The following ZFHX3 variants were observed in gnomAD, a reference collection of about 807,000 sequenced individuals.
ZFHX3 encodes the protein zinc finger homeobox protein 3.
In ZFHX3, 42 loss-of-function variants were observed where a neutral mutation model predicts 279.1. That is an observed-to-expected ratio of 0.15 (90% CI 0.12 to 0.19). ZFHX3 has a LOEUF of 0.19. Ranked by LOEUF, ZFHX3 falls within the 10% of genes least tolerant of loss-of-function variation. ZFHX3 has a pLI of 1.00. For synonymous variants in ZFHX3, 2,293 were observed against 1,957.8 expected, an observed-to-expected ratio of 1.17 and a Z score of -4.52; for missense variants, 4,981 against 4,754.0, an observed-to-expected ratio of 1.05 and a Z score of -1.40.
At chr16:73,736,367 C>T (rs544263602) in intron 1 of ZFHX3, among the ~76,000 whole-genome samples, 76 of 152,290 alleles carry the variant, frequency 5.0e-4, no homozygotes, top group African/African-American at 1.6e-3. Context: ...GCAACAAATC[C>T]GTTATTCTAA....
intron 4 of ZFHX3, among the ~76,000 whole-genome samples, chr16:72,865,149 C>T (rs995845006): frequency 2.0e-5 from 3 of 152,238 alleles, no homozygotes; most frequent in South Asian, 2.1e-4. Flanking sequence ...GAGAGGCTTT[C>T]ACTTTCTTAA....
At chr16:73,312,088 G>A (rs2143168513) in intron 4 of ZFHX3, among the ~76,000 whole-genome samples, 1 of 152,302 alleles carries the variant, frequency 6.6e-6, no homozygotes, top group South Asian at 2.1e-4. Flanking sequence ...TGAAAACCTG[G>A]AGTAGGTCCA....
At chr16:73,335,151 G>C (rs1051484962) in intron 3 of ZFHX3, among the ~76,000 whole-genome samples, 1 of 152,046 alleles carries the variant, frequency 6.6e-6, no homozygotes, top group African/African-American at 2.4e-5. Flanking sequence ...ATACATTTTA[G>C]TACGAAAAGG....
chr16:73,015,829 G>T (rs575162066), intron 1 of ZFHX3: 3 of 152,166 alleles, frequency 2.0e-5, no homozygotes, highest in African/African-American at 7.2e-5. Context: ...TGAGAGGTGT[G>T]AGCCAGGCAG....
At chr16:73,317,994 G>T (rs1432249352) in intron 4 of ZFHX3, among the ~76,000 whole-genome samples, 1 of 152,158 alleles carries the variant, frequency 6.6e-6, no homozygotes, top group Non-Finnish European at 1.5e-5. Flanking sequence ...CATCCATTTG[G>T]GTTATGAGTC....
chr16:73,016,084 C>T (rs1382613514), intron 1 of ZFHX3: 1 of 152,198 alleles, frequency 6.6e-6, no homozygotes, highest in African/African-American at 2.4e-5. Flanking sequence ...CAAAGGAGAT[C>T]CCATCACCAC....
chr16:73,216,120 C>A (rs2012197347), intron 5 of ZFHX3, among the ~76,000 whole-genome samples: 1 of 152,130 alleles, frequency 6.6e-6, no homozygotes, highest in Non-Finnish European at 1.5e-5. Context: ...TATAGATACA[C>A]AAGGGAAAAA....
chr16:73,206,677 C>T (rs1277356180), intron 5 of ZFHX3, among the ~76,000 whole-genome samples: 2 of 152,080 alleles, frequency 1.3e-5, no homozygotes, highest in East Asian at 3.9e-4. Flanking sequence ...TTCCCCACTA[C>T]ACATGGCCAC....
chr16:73,455,390 CA>C (rs948415463), intron 3 of ZFHX3, among the ~76,000 whole-genome samples: 60 of 152,238 alleles, frequency 3.9e-4, no homozygotes, highest in African/African-American at 1.1e-3. Flanking sequence ...AATAAAGACC[CA>C]GGGGGCTAAA....
intron 2 of ZFHX3, among the ~76,000 whole-genome samples, chr16:73,466,499 C>A (rs2018572881): frequency 6.6e-6 from 1 of 152,096 alleles, no homozygotes; most frequent in Non-Finnish European, 1.5e-5. Context: ...CCATCACCAT[C>A]ACCACCAAAA....
chr16:73,495,783 C>T (rs548835994), intron 2 of ZFHX3, among the ~76,000 whole-genome samples: 1 of 152,304 alleles, frequency 6.6e-6, no homozygotes, highest in South Asian at 2.1e-4. Flanking sequence ...GGCTTAGTGG[C>T]CAAGTGGCTA....
intron 2 of ZFHX3, among the ~76,000 whole-genome samples, chr16:73,589,046 G>T (rs2051960046): frequency 6.6e-6 from 1 of 151,506 alleles, no homozygotes. Context: ...AGATCATGAA[G>T]TCAGCAAATC....
At chr16:73,640,182 G>C (rs1233213039) in intron 2 of ZFHX3, among the ~76,000 whole-genome samples, 1 of 152,188 alleles carries the variant, frequency 6.6e-6, no homozygotes, top group African/African-American at 2.4e-5. Flanking sequence ...AAGTTTGCAA[G>C]CTGGACATTG....
intron 5 of ZFHX3, among the ~76,000 whole-genome samples, chr16:73,235,717 T>C (rs1233150655): frequency 1.3e-5 from 2 of 151,848 alleles, no homozygotes; most frequent in Non-Finnish European, 2.9e-5. Flanking sequence ...CTGTCGCCCA[T>C]GCTGGAGTGC....
intron 1 of ZFHX3, among the ~76,000 whole-genome samples, chr16:73,784,810 T>TACACACACACAC (rs1329672942): frequency 1.5e-5 from 2 of 137,776 alleles, no homozygotes; most frequent in African/African-American, 5.5e-5. Flanking sequence ...TATATATATA[T>TACACACACACAC]ATATATACAC....
chr16:72,955,030 T>C (rs1478540455), intron 2 of ZFHX3, among the ~76,000 whole-genome samples: 1 of 152,212 alleles, frequency 6.6e-6, no homozygotes, highest in Non-Finnish European at 1.5e-5. Flanking sequence ...TTATGGCTGT[T>C]TTTATTTGCA....
chr16:73,686,116 G>T (rs138769617), intron 1 of ZFHX3, among the ~76,000 whole-genome samples: 1 of 148,768 alleles, frequency 6.7e-6, no homozygotes, highest in African/African-American at 2.5e-5. Flanking sequence ...TTATTTATTT[G>T]AGATTGAGTC....
At chr16:73,473,369 A>AG in intron 2 of ZFHX3, among the ~76,000 whole-genome samples, 1 of 151,058 alleles carries the variant, frequency 6.6e-6, no homozygotes, top group Admixed American at 6.6e-5. Flanking sequence ...AAAAAAAAAA[A>AG]AAACAAAATA....
chr16:73,401,646 C>G (rs1422068160), intron 3 of ZFHX3: 1 of 152,136 alleles, frequency 6.6e-6, no homozygotes, highest in Non-Finnish European at 1.5e-5. Context: ...CTGGCCGGCT[C>G]TGAGCATCCT....
Sources: allele counts gnomAD v4.1 joint callset (sites outside exome capture counted in the v4.1 genomes callset), GRCh38; gene constraint gnomAD v4.1.1; transcripts MANE v1.5; gene names NCBI Gene and HGNC (gene_info 2026-07-23, HGNC 2026-07-21).